GMCL1: variants seen among roughly 807,000 people sequenced by gnomAD.
GMCL1 encodes the protein germ cell-less protein-like 1.
In GMCL1, 54 loss-of-function variants were observed where a neutral mutation model predicts 75.5. The observed-to-expected ratio is 0.71, with a 90% CI of 0.57 to 0.90. The LOEUF is 0.90. Ranked by LOEUF, GMCL1 falls within the 40% of genes least tolerant of loss-of-function variation. The pLI is 0.00. For synonymous variants in GMCL1, 210 were observed against 209.6 expected (o/e 1.00, Z -0.02); for missense variants, 537 against 622.7 (o/e 0.86, Z 1.47).
At chr2:69,862,589 G>T (rs1396057506) in intron 10 of GMCL1, among the ~76,000 whole-genome samples, 4 of 152,118 alleles carry the variant, frequency 2.6e-5, no homozygotes, top group Non-Finnish European at 5.9e-5. Context: ...GAGAAACCCT[G>T]TCTCTACTAA....
At chr2:69,873,449 C>G (rs1310057472) in intron 13 of GMCL1, 1 of 151,998 alleles carries the variant, frequency 6.6e-6, no homozygotes, top group African/African-American at 2.4e-5. Context: ...GTTTTTCCTT[C>G]ACCTGTATCA....
chr2:69,832,085 G>A (rs1211168912), intron 1 of GMCL1, among the ~76,000 whole-genome samples: 1 of 152,154 alleles, frequency 6.6e-6, no homozygotes, highest in East Asian at 1.9e-4. Context: ...ACCAGTCGTG[G>A]TGGCAGCTGC....
rs369007126 is a variant in GMCL1, at chr2:69,840,921, A to T, written c.482-21A>T. On this transcript the variant is annotated intron_variant, in intron 3 of 13. Coordinates refer to ENST00000282570, the MANE Select transcript of GMCL1 (RefSeq NM_178439.5). ...ATAGATATAAATATTATTTCATCCTACATGTGTACCTTGCTTTCAGCACTG... is the reference window on the plus strand; with the variant it reads ...ATAGATATAAATATTATTTCATCCTTCATGTGTACCTTGCTTTCAGCACTG... The T allele has an allele frequency of 3.3e-6, 5 of 1,528,104 alleles. No homozygotes were observed. In the Middle Eastern group the frequency reaches 5.1e-4, roughly 156 times the overall value. 94.7% of individuals were successfully genotyped at this position (1,528,104 alleles called of 1,614,324 possible).
chr2:69,862,751 C>G (rs1315274455), intron 10 of GMCL1, among the ~76,000 whole-genome samples: 1 of 150,766 alleles, frequency 6.6e-6, no homozygotes, highest in Non-Finnish European at 1.5e-5. Context: ...AAGAGCAAAA[C>G]TCCATCCCAA....
rs1401054350 is a variant in GMCL1, at chr2:69,830,129, GC to G, written c.238del (p.Arg80GlyfsTer11). On this transcript the variant is annotated frameshift_variant, in exon 1 of 14. Coordinates refer to ENST00000282570, the MANE Select transcript of GMCL1 (RefSeq NM_178439.5). LOFTEE classifies it high-confidence loss of function. ...EDEEEGDEQQRLLNTPRRKKL... is the reference protein window; with the variant it reads ...EDEEEGDEQQXLLNTPRRKKL... ...ATGAGGAGGAGGGGGACGAGCAGCA[GC>G]GGCTCCTCAACACCCCTCGAAGGTA... 6 of 1,573,062 alleles carry G rather than the reference GC, an allele frequency of 3.8e-6. No homozygotes were observed. The highest frequency in any genetic ancestry group is 3.7e-5 in the Admixed American group (2 of 53,646).
chr2:69,860,833 GT>G, intron 9 of GMCL1, among the ~76,000 whole-genome samples: 1 of 152,042 alleles, frequency 6.6e-6, no homozygotes, highest in East Asian at 1.9e-4. Flanking sequence ...TCGTTTGTTT[GT>G]TTGTTTGTCT....
intron 1 of GMCL1, among the ~76,000 whole-genome samples, chr2:69,835,055 A>G (rs1198236035): frequency 6.6e-6 from 1 of 152,108 alleles, no homozygotes; most frequent in Non-Finnish European, 1.5e-5. Context: ...CCTCTGCTCT[A>G]CAAAGCATGC....
chr2:69,829,666 T>C lies in GMCL1; in HGVS notation c.-227T>C. 3.8e-6 allele frequency: 2 copies of C among 522,768 alleles called. No individual in the cohort carries two copies. The highest frequency in any genetic ancestry group is 5.4e-5 in the South Asian group (2 of 37,018). 32.4% of individuals were successfully genotyped at this position (522,768 alleles called of 1,614,324 possible). A position where few individuals can be genotyped will look rare whatever the true frequency, so the allele number is the denominator to read the frequency against. ...CATGCGCCCTCCGTCCCGCGCTTTG[T>C]TGCGAAAGCGAGGGGGCGAGGTGCT... On this transcript the variant is annotated 5_prime_UTR_variant, in exon 1 of 14. Transcript: ENST00000282570.
chr2:69,856,702 A>C (rs571756665), intron 9 of GMCL1, among the ~76,000 whole-genome samples: 63 of 141,030 alleles, frequency 4.5e-4, no homozygotes, highest in African/African-American at 1.5e-3. Context: ...CCTCCGTAGA[A>C]GACTTTCTGG....
At chr2:69,872,705 T>G (rs972515193) in intron 13 of GMCL1, among the ~76,000 whole-genome samples, 3 of 152,192 alleles carry the variant, frequency 2.0e-5, no homozygotes, top group Admixed American at 1.3e-4. Flanking sequence ...AAAGGTAATA[T>G]GTAGGAATGT....
At chr2:69,873,961 T>TTC (rs397941609) in intron 13 of GMCL1, 13 of 160,580 alleles carry the variant, frequency 8.1e-5, no homozygotes, top group Non-Finnish European at 1.8e-4. Flanking sequence ...TTTTTTTTTT[T>TTC]CACTTTGTTG....
Position 69,844,168 on chromosome 2 carries a change from C to G in GMCL1, c.730C>G (p.Gln244Glu). The G allele has an allele frequency of 6.4e-7, 1 of 1,573,638 alleles. No homozygotes were observed. Among genetic ancestry groups the G allele is most frequent in the East Asian group, 2.3e-5 (1 of 43,574 alleles). ...GCTTCTAAACAATTTGATGACTCAC[C>G]AGAATGTTGAACTTTTTAAAGAACT... The part of the protein sequence containing the change: ...EWLLNNLMTH[Q>E]NVELFKELSI... Residue 244 changes from glutamine (Q) to glutamate (E), a missense_variant, in exon 6 of 14, where the codon CAG (glutamine) becomes GAG (glutamate). Gln to Glu is a conservative substitution (Grantham distance 29, BLOSUM62 2). Around this residue, in one of 3 missense-constraint regions of GMCL1, gnomAD observed 345 missense variants for 410.5 expected, o/e 0.84. Coordinates refer to ENST00000282570, the MANE Select transcript of GMCL1 (RefSeq NM_178439.5).
chr2:69,870,413 A>G (rs1474972840), intron 12 of GMCL1, among the ~76,000 whole-genome samples: 3 of 152,178 alleles, frequency 2.0e-5, no homozygotes, highest in Admixed American at 6.5e-5. Context: ...AACTCTTGGA[A>G]GAAAACATAG....
intron 11 of GMCL1, among the ~76,000 whole-genome samples, chr2:69,866,399 A>G (rs1009164736): frequency 2.0e-5 from 3 of 152,060 alleles, no homozygotes; most frequent in African/African-American, 7.2e-5. Flanking sequence ...CTATTTGGTT[A>G]TTTCTCTCCC....
intron 9 of GMCL1, among the ~76,000 whole-genome samples, chr2:69,858,363 A>G (rs1279211941): frequency 6.6e-6 from 1 of 152,214 alleles, no homozygotes; most frequent in Non-Finnish European, 1.5e-5. Context: ...AGTTTAAAAT[A>G]AGTGCGGAAA....
At chr2:69,855,091 G>T in intron 9 of GMCL1, 131 bp downstream of exon 9, 2 of 661,784 alleles carry the variant, frequency 3.0e-6, no homozygotes, top group Non-Finnish European at 4.9e-6. Context: ...TTATGCCAAA[G>T]TGGAATCATC....
At chr2:69,854,743 A>G (rs1156515519) in intron 8 of GMCL1, 80 bp from the exon 9 acceptor site, 3 of 1,129,832 alleles carry the variant, frequency 2.7e-6, no homozygotes, top group African/African-American at 3.1e-5. Context: ...ACATGAATGT[A>G]CGTATCCCCC....
intron 13 of GMCL1, among the ~76,000 whole-genome samples, chr2:69,875,065 T>A (rs763175711): frequency 1.3e-5 from 2 of 152,198 alleles, no homozygotes; most frequent in Non-Finnish European, 2.9e-5. Flanking sequence ...TTTTTGTCAT[T>A]TGTCTTTTCA....
In GMCL1 at chr2:69,853,813, C is replaced by CT. The variant is rs1311196850; in HGVS notation, c.935-1003dup. On this transcript the variant is annotated intron_variant, in intron 8 of 13. Coordinates refer to ENST00000282570, the MANE Select transcript of GMCL1 (RefSeq NM_178439.5). ...AACTTGAATTATTCTATTTTCTTTT[C>CT]TTTTTTTGAGACAGAGTTTCACTCT... 1.3e-5 allele frequency among the ~76,000 whole-genome samples: 2 copies of CT among 151,838 alleles called. 1 individual carries two copies. Among genetic ancestry groups the CT allele is most frequent in the Admixed American group, 1.3e-4 (2 of 15,242 alleles).
Sources: gnomAD v4.1 joint callset for allele counts (sites outside exome capture counted in the v4.1 genomes callset) on GRCh38, gnomAD v4.1.1 for gene constraint, gnomAD v4.1.1 regional missense constraint, MANE v1.5 for transcripts, NCBI Gene and HGNC (gene_info 2026-07-23, HGNC 2026-07-21) for gene names.